Variants in THRB observed in about 807,000 individuals in gnomAD.
The protein encoded by THRB is thyroid hormone receptor beta.
Under a neutral mutation model 47.8 loss-of-function variants are expected in THRB, and 12 were observed. The observed-to-expected ratio is 0.25, with a 90% CI of 0.16 to 0.41. The LOEUF is 0.41. THRB is among the 10% of genes least tolerant of loss of function. The probability of loss-of-function intolerance (pLI) is 1.00; values close to 1 mark genes in which losing one functional copy is unlikely to be tolerated. For missense variants in THRB, 348 were observed against 589.2 expected, an observed-to-expected ratio of 0.59 and a Z score of 4.24; for synonymous variants, 218 against 212.2, an observed-to-expected ratio of 1.03 and a Z score of -0.24.
chr3:24,173,694 T>G (rs2040751332), intron 5 of THRB, among the ~76,000 whole-genome samples: 1 of 152,236 alleles, frequency 6.6e-6, no homozygotes, highest in African/African-American at 2.4e-5. Context: ...TCAGTCATCT[T>G]CAAGGGATGA....
intron 10 of THRB, among the ~76,000 whole-genome samples, chr3:24,125,964 A>G (rs2032699677): frequency 6.6e-6 from 1 of 152,148 alleles, no homozygotes; most frequent in South Asian, 2.1e-4. Flanking sequence ...CACAGTGTAC[A>G]TGGGAGTTCA....
At chr3:24,331,432 T>C (rs941849864) in intron 2 of THRB, among the ~76,000 whole-genome samples, 1 of 152,186 alleles carries the variant, frequency 6.6e-6, no homozygotes, top group African/African-American at 2.4e-5. Flanking sequence ...TCTTTACAAC[T>C]GGCTTCTTAT....
chr3:24,221,399 G>T (rs1007151244), intron 4 of THRB, among the ~76,000 whole-genome samples: 1 of 152,174 alleles, frequency 6.6e-6, no homozygotes, highest in African/African-American at 2.4e-5. Context: ...ATTTGTGACT[G>T]TTAGGAAAAA....
chr3:24,368,382 T>A (rs1458455405), intron 1 of THRB, among the ~76,000 whole-genome samples: 1 of 152,140 alleles, frequency 6.6e-6, no homozygotes, highest in Non-Finnish European at 1.5e-5. Flanking sequence ...GAGGAGAAGA[T>A]TCTTCTTTAT....
chr3:24,125,083 C>T (rs563050620), intron 10 of THRB, among the ~76,000 whole-genome samples: 3 of 152,294 alleles, frequency 2.0e-5, no homozygotes, highest in African/African-American at 7.2e-5. Flanking sequence ...TTCCTTTTAT[C>T]TACCTTACTT....
At chr3:24,318,048 T>C (rs1354602) in intron 2 of THRB, among the ~76,000 whole-genome samples, 70,565 of 151,794 alleles carry the variant, frequency 0.46, 17,793 homozygotes, top group East Asian at 0.71. Flanking sequence ...CAAAAAAGAA[T>C]GAACGAATGA....
intron 5 of THRB, among the ~76,000 whole-genome samples, chr3:24,167,785 C>T (rs1260058525): frequency 6.6e-6 from 1 of 152,086 alleles, no homozygotes. Context: ...GTAACAATAT[C>T]AACGAAAATC....
intron 4 of THRB, among the ~76,000 whole-genome samples, chr3:24,192,191 GAAAGA>G (rs2043435570): frequency 6.6e-6 from 1 of 152,188 alleles, no homozygotes; most frequent in Non-Finnish European, 1.5e-5. Flanking sequence ...TTGAGATCTT[GAAAGA>G]TCGTATTGCA....
At chr3:24,377,599 G>A (rs986847431) in intron 1 of THRB, among the ~76,000 whole-genome samples, 9 of 152,270 alleles carry the variant, frequency 5.9e-5, no homozygotes, top group South Asian at 4.1e-4. Context: ...AAGTGTTTTA[G>A]TTCTGGATTA....
At chr3:24,244,874 A>G (rs1305226211) in intron 3 of THRB, among the ~76,000 whole-genome samples, 1 of 152,204 alleles carries the variant, frequency 6.6e-6, no homozygotes, top group Non-Finnish European at 1.5e-5. Flanking sequence ...CTCAATGAAG[A>G]CCATTCTCCC....
At chr3:24,206,244 G>C (rs1367357232) in intron 4 of THRB, among the ~76,000 whole-genome samples, 7 of 152,020 alleles carry the variant, frequency 4.6e-5, no homozygotes, top group African/African-American at 1.4e-4. Flanking sequence ...TGACCACATA[G>C]TTGGAAGTAA....
At chr3:24,418,425 A>G (rs1284243366) in intron 1 of THRB, among the ~76,000 whole-genome samples, 1 of 151,900 alleles carries the variant, frequency 6.6e-6, no homozygotes, top group Non-Finnish European at 1.5e-5. Context: ...TTATTTAATC[A>G]AACTATTTGT....
chr3:24,152,048 G>T (rs1277805414), intron 6 of THRB, among the ~76,000 whole-genome samples: 1 of 152,044 alleles, frequency 6.6e-6, no homozygotes, highest in Non-Finnish European at 1.5e-5. Flanking sequence ...GTCATTTCTC[G>T]GGATGACAAC....
intron 8 of THRB, among the ~76,000 whole-genome samples, chr3:24,141,272 G>T (rs1361716844): frequency 6.6e-6 from 1 of 152,216 alleles, no homozygotes; most frequent in Non-Finnish European, 1.5e-5. Flanking sequence ...AGTGAACAGT[G>T]CAGACCTCAA....
chr3:24,332,340 C>T (rs554765511), intron 2 of THRB, among the ~76,000 whole-genome samples: 5 of 152,164 alleles, frequency 3.3e-5, no homozygotes, highest in African/African-American at 9.7e-5. Context: ...TCCCTGCTGA[C>T]GATAGAACCA....
At chr3:24,434,210 C>T (rs1335563249) in intron 1 of THRB, among the ~76,000 whole-genome samples, 1 of 152,056 alleles carries the variant, frequency 6.6e-6, no homozygotes, top group African/African-American at 2.4e-5. Context: ...AAAATATATT[C>T]GGTGTTTTAC....
chr3:24,349,487 A>G (rs562615764), intron 1 of THRB, among the ~76,000 whole-genome samples: 1 of 152,276 alleles, frequency 6.6e-6, no homozygotes, highest in African/African-American at 2.4e-5. Flanking sequence ...ACAGTATGCT[A>G]TTGACACAGG....
intron 1 of THRB, among the ~76,000 whole-genome samples, chr3:24,380,868 A>G (rs939307620): frequency 6.6e-6 from 1 of 152,102 alleles, no homozygotes; most frequent in East Asian, 1.9e-4. Flanking sequence ...TGTAATCCCA[A>G]CACTTTGGAA....
rs775268867 is a variant in THRB, at chr3:24,122,847, T to C, written c.*37A>G. On this transcript the variant is annotated 3_prime_UTR_variant, in exon 11 of 11. Coordinates refer to ENST00000646209, the MANE Select transcript of THRB (RefSeq NM_001354712.2). ...GGCAATGGAATGAAATGACACCCAG[T>C]AGTGCTGTAGGAATTATGAGAATGA... 9.9e-6 allele frequency: 16 copies of C among 1,613,982 alleles called. No individual in the cohort carries two copies. The highest frequency in any genetic ancestry group is 1.4e-5 in the Non-Finnish European group (16 of 1,179,878).
Sources: gnomAD v4.1 joint callset for allele counts (sites outside exome capture counted in the v4.1 genomes callset) on GRCh38, gnomAD v4.1.1 for gene constraint, MANE v1.5 for transcripts, NCBI Gene and HGNC (gene_info 2026-07-23, HGNC 2026-07-21) for gene names.